EPS8: variants seen among roughly 807,000 people sequenced by gnomAD.
EPS8 encodes EGFR pathway substrate 8, signaling adaptor, also known as epidermal growth factor receptor kinase substrate 8.
In EPS8, 42 loss-of-function variants were observed where a neutral mutation model predicts 103.8. That is an observed-to-expected ratio of 0.40 (90% CI 0.32 to 0.52). The LOEUF is 0.52. Ranked by LOEUF, EPS8 falls within the 20% of genes least tolerant of loss-of-function variation. EPS8 has a pLI of 0.40. For missense variants in EPS8, 969 were observed against 1,005.1 expected, an observed-to-expected ratio of 0.96 and a Z score of 0.49; for synonymous variants, 344 against 344.6, an observed-to-expected ratio of 1.00 and a Z score of 0.02.
rs1947053257 is a variant in EPS8 at position 15,762,586 on chromosome 12, A to G, written c.-22+26575T>C. 6.6e-6 allele frequency among the ~76,000 whole-genome samples: 1 copy of G among 152,228 alleles called. No individual in the cohort carries two copies. Among genetic ancestry groups the G allele is most frequent in the Admixed American group, 6.5e-5 (1 of 15,278 alleles). On this transcript the variant is annotated intron_variant, in intron 1 of 20. Transcript: ENST00000281172. The surrounding 1 kb of genome is among the most constrained non-coding windows in gnomAD (Gnocchi z 4.8). ...AAAGTAAATGTGGTACTTATACACAATGGAGTACTATTCATAAAATGAATC... is the reference window on the plus strand; with the variant it reads ...AAAGTAAATGTGGTACTTATACACAGTGGAGTACTATTCATAAAATGAATC...
Position 15,697,150 on chromosome 12 carries a change from G to A in EPS8, c.-21-14178C>T, listed in dbSNP as rs1026989787. 6.6e-6 allele frequency among the ~76,000 whole-genome samples: 1 copy of A among 151,920 alleles called. No individual in the cohort carries two copies. The highest frequency in any genetic ancestry group is 1.5e-5 in the Non-Finnish European group (1 of 67,998). ...TGAGGGACAAGCACAAACTGATTTG[G>A]GAAAATGGCCTATAGACTGAAGAAG... On this transcript the variant is annotated intron_variant, in intron 1 of 20. Transcript: ENST00000281172. This position sits in a 1 kb window ranked among gnomAD's most constrained non-coding sequence, Gnocchi z 5.6.
intron 18 of EPS8, among the ~76,000 whole-genome samples, chr12:15,625,189 A>G (rs1173171817): frequency 2.0e-5 from 3 of 152,122 alleles, no homozygotes; most frequent in Non-Finnish European, 4.4e-5. Flanking sequence ...CACTTTCCCC[A>G]TATGTTCTGC....
At chr12:15,746,877 C>T (rs923999257) in intron 1 of EPS8, among the ~76,000 whole-genome samples, 4 of 152,154 alleles carry the variant, frequency 2.6e-5, no homozygotes, top group African/African-American at 9.7e-5. Flanking sequence ...CTACTGTTTG[C>T]ATGCTCCTGA....
At chr12:15,686,552 A>T (rs949404926) in intron 1 of EPS8, among the ~76,000 whole-genome samples, 1 of 152,210 alleles carries the variant, frequency 6.6e-6, no homozygotes, top group Non-Finnish European at 1.5e-5. Context: ...ACAAATGATA[A>T]ATTTAAGATC....
intron 1 of EPS8, among the ~76,000 whole-genome samples, chr12:15,786,102 CTTCT>C (rs1448450614): frequency 6.6e-6 from 1 of 151,902 alleles, no homozygotes; most frequent in Non-Finnish European, 1.5e-5. Context: ...CAGTTCCTTC[CTTCT>C]AAGAGCACAG....
At chr12:15,651,650 A>C (rs1471960398) in intron 13 of EPS8, among the ~76,000 whole-genome samples, 2 of 152,194 alleles carry the variant, frequency 1.3e-5, no homozygotes, top group Non-Finnish European at 2.9e-5. Flanking sequence ...GTAAGATCCT[A>C]ATCATTCATG....
At position 15,714,748 on chromosome 12, in the gene EPS8, G is replaced by A. The variant is rs977509421; in HGVS notation, c.-21-31776C>T. On this transcript the variant is annotated intron_variant, in intron 1 of 20. Transcript: ENST00000281172. This position sits in a 1 kb window ranked among gnomAD's most constrained non-coding sequence, Gnocchi z 4.1. ...AAAACAAAAATACATTCTCTGTATA[G>A]TGCACTCAGAGTTTTCATCAGGTTT... Among the ~76,000 whole-genome samples the A allele has an allele frequency of 2.0e-5, 3 of 152,140 alleles. No individual in the cohort carries two copies. The highest frequency in any genetic ancestry group is 7.2e-5 in the African/African-American group (3 of 41,408).
chr12:15,764,111 A>C lies in EPS8; in HGVS notation c.-22+25050T>G, dbSNP rs1373830843. ...CTAGGGAGGCCTCATAATCATGTCCAAAGGTGAAGGAGGAGCAAAGTAACA... is the reference window on the plus strand; with the variant it reads ...CTAGGGAGGCCTCATAATCATGTCCCAAGGTGAAGGAGGAGCAAAGTAACA... On this transcript the variant is annotated intron_variant, in intron 1 of 20. Coordinates refer to ENST00000281172, the MANE Select transcript of EPS8 (RefSeq NM_004447.6). The surrounding 1 kb of genome is among the most constrained non-coding windows in gnomAD (Gnocchi z 4.1). Among the ~76,000 whole-genome samples, 1 of 152,200 alleles carries C rather than the reference A, an allele frequency of 6.6e-6. No individual in the cohort carries two copies. The highest frequency in any genetic ancestry group is 1.5e-5 in the Non-Finnish European group (1 of 68,032).
intron 1 of EPS8, among the ~76,000 whole-genome samples, chr12:15,687,250 T>C (rs1254411547): frequency 6.6e-6 from 1 of 152,174 alleles, no homozygotes; most frequent in South Asian, 2.1e-4. Flanking sequence ...TATTTTTCTA[T>C]GCTATTTTTT....
chr12:15,642,910 C>T (rs1240879944), intron 15 of EPS8, among the ~76,000 whole-genome samples: 1 of 152,080 alleles, frequency 6.6e-6, no homozygotes, highest in Non-Finnish European at 1.5e-5. Context: ...AAAAGATGAC[C>T]AGTATAGAAC....
rs139119017 is a variant in EPS8 at position 15,691,457 on chromosome 12, G to T, written c.-21-8485C>A. ...ATAATGGGGCAGAGAGACATCAAAA[G>T]GATCATTTATAGTACAATGTGGCAA... On this transcript the variant is annotated intron_variant, in intron 1 of 20. Transcript: ENST00000281172. Among the ~76,000 whole-genome samples the T allele has an allele frequency of 4.6e-5, 7 of 152,190 alleles. No homozygotes were observed. In the East Asian group the frequency reaches 1.4e-3, roughly 29 times the overall value.
chr12:15,649,050 A>G (rs1439959357), intron 14 of EPS8, among the ~76,000 whole-genome samples: 1 of 152,230 alleles, frequency 6.6e-6, no homozygotes, highest in Non-Finnish European at 1.5e-5. Context: ...ATCTCAAGGC[A>G]TAAAATTCCC....
intron 3 of EPS8, chr12:15,672,582 C>T (rs979347424): frequency 2.5e-6 from 1 of 396,652 alleles, no homozygotes; most frequent in African/African-American, 2.1e-5. Context: ...AAACATAAAC[C>T]TTCACTTACA....
At position 15,731,163 on chromosome 12, in the gene EPS8, G is replaced by A. The variant is rs1435221140; in HGVS notation, c.-21-48191C>T. ...AAATGTCATGGGCAACTGCTATCCAGGTTTTTAGCTAGCTTAACCAAATCC... is the reference window on the plus strand; with the variant it reads ...AAATGTCATGGGCAACTGCTATCCAAGTTTTTAGCTAGCTTAACCAAATCC... On this transcript the variant is annotated intron_variant, in intron 1 of 20. Transcript: ENST00000281172. This position sits in a 1 kb window ranked among gnomAD's most constrained non-coding sequence, Gnocchi z 5.1. 6.6e-6 allele frequency among the ~76,000 whole-genome samples: 1 copy of A among 152,168 alleles called. No homozygotes were observed. The highest frequency in any genetic ancestry group is 2.4e-5 in the African/African-American group (1 of 41,442).
At chr12:15,689,888 AC>A (rs1399745239) in intron 1 of EPS8, among the ~76,000 whole-genome samples, 1 of 152,218 alleles carries the variant, frequency 6.6e-6, no homozygotes, top group African/African-American at 2.4e-5. Context: ...AAGGAGGTGG[AC>A]CAGGAGAAGA....
At chr12:15,758,486 T>C (rs190413641) in intron 1 of EPS8, among the ~76,000 whole-genome samples, 12 of 152,230 alleles carry the variant, frequency 7.9e-5, no homozygotes, top group East Asian at 3.8e-4. Flanking sequence ...CATATGACCA[T>C]TGAGCACTTG....
At chr12:15,726,768 G>A (rs1474006108) in intron 1 of EPS8, among the ~76,000 whole-genome samples, 2 of 152,140 alleles carry the variant, frequency 1.3e-5, no homozygotes, top group African/African-American at 4.8e-5. Flanking sequence ...CTGAAAGAAT[G>A]AATAAAGATT....
In EPS8 at chr12:15,641,788, T is replaced by C; in HGVS notation, c.1611A>G (p.Lys537=). ...TCCTTGCTACAAAGTCATACTTGGA[T>C]TTGGCATATTTCTTGGGTTGTGTTT... The part of the protein sequence containing the change: ...PLKTQPKKYA[K]SKYDFVARNN... The change falls in exon 16 of 21, where the codon AAA becomes AAG. Residue 537 remains lysine, a synonymous_variant. Transcript: ENST00000281172. 2 of 1,601,520 alleles carry C rather than the reference T, an allele frequency of 1.2e-6. No homozygotes were observed. Among genetic ancestry groups the C allele is most frequent in the Non-Finnish European group, 1.7e-6 (2 of 1,172,390 alleles).
chr12:15,709,168 C>T (rs939976381), intron 1 of EPS8, among the ~76,000 whole-genome samples: 3 of 152,106 alleles, frequency 2.0e-5, no homozygotes, highest in African/African-American at 2.4e-5. Context: ...CTAGAAGAAA[C>T]AAGACAAAAC....
Sources: gnomAD v4.1 joint callset for allele counts (sites outside exome capture counted in the v4.1 genomes callset) on GRCh38, gnomAD v4.1.1 for gene constraint, Gnocchi (gnomAD v3.1) non-coding constraint, MANE v1.5 for transcripts, NCBI Gene and HGNC (gene_info 2026-07-23, HGNC 2026-07-21) for gene names.